VAV3: variants seen among roughly 807,000 people sequenced by gnomAD.
VAV3 encodes the protein guanine nucleotide exchange factor VAV3.
A neutral mutation model predicts 131.2 loss-of-function variants in VAV3; 94 were observed. That is an observed-to-expected ratio of 0.72 (90% confidence interval 0.61 to 0.85). The LOEUF (loss-of-function observed/expected upper bound fraction) is 0.85. Among genes scored for constraint, VAV3 ranks in the 40% least tolerant of loss-of-function variants. The pLI is 0.00. For synonymous variants in VAV3, 349 were observed against 342.0 expected (o/e 1.02, Z -0.22); for missense variants, 939 against 1,002.7 (o/e 0.94, Z 0.86).
chr1:107,770,758 T>C (rs749144413), intron 5 of VAV3, 30 bp from the exon 6 acceptor site: 2 of 1,548,206 alleles, frequency 1.3e-6, no homozygotes, highest in South Asian at 1.2e-5. Flanking sequence ...AATAAAATGA[T>C]TTAATAAAAT....
At chr1:107,575,067 C>CT in intron 25 of VAV3, among the ~76,000 whole-genome samples, 1 of 150,488 alleles carries the variant, frequency 6.6e-6, no homozygotes, top group East Asian at 2.0e-4. Context: ...TAACTTTCTC[C>CT]CTGGCCCTGC....
intron 1 of VAV3, among the ~76,000 whole-genome samples, chr1:107,936,072 A>C (rs1673698365): frequency 6.6e-6 from 1 of 152,236 alleles, no homozygotes; most frequent in African/African-American, 2.4e-5. Flanking sequence ...ACATTATTAC[A>C]GTTCCTAGAT....
intron 2 of VAV3, among the ~76,000 whole-genome samples, chr1:107,840,737 G>A (rs1668665554): frequency 6.6e-6 from 1 of 152,080 alleles, no homozygotes; most frequent in South Asian, 2.1e-4. Flanking sequence ...TGATACAAAG[G>A]AAAAGAAGAG....
chr1:107,876,221 G>A (rs1339459740), intron 1 of VAV3, among the ~76,000 whole-genome samples: 1 of 152,084 alleles, frequency 6.6e-6, no homozygotes, highest in African/African-American at 2.4e-5. Flanking sequence ...TTAGACCAAC[G>A]GATTGGTCAA....
intron 19 of VAV3, among the ~76,000 whole-genome samples, chr1:107,646,738 T>C (rs925257484): frequency 6.6e-6 from 1 of 152,018 alleles, no homozygotes; most frequent in African/African-American, 2.4e-5. Context: ...GTCAAACTTA[T>C]GCAGGAGGAA....
chr1:107,927,186 C>T (rs1285587875), intron 1 of VAV3, among the ~76,000 whole-genome samples: 2 of 152,014 alleles, frequency 1.3e-5, no homozygotes, highest in South Asian at 2.1e-4. Context: ...TCTAGACACA[C>T]CCTGGGCCAC....
chr1:107,808,053 A>C (rs2102322358), intron 2 of VAV3, among the ~76,000 whole-genome samples: 1 of 152,328 alleles, frequency 6.6e-6, no homozygotes, highest in Admixed American at 6.5e-5. Context: ...TTGGAATCCA[A>C]ATTCTTGCAT....
At chr1:107,878,715 C>T (rs976741299) in intron 1 of VAV3, among the ~76,000 whole-genome samples, 13 of 152,116 alleles carry the variant, frequency 8.5e-5, no homozygotes, top group African/African-American at 3.1e-4. Flanking sequence ...TAAACTCAAT[C>T]ATTTAGTTAA....
chr1:107,964,566 G>T, intron 1 of VAV3, 100 bp downstream of exon 1: 1 of 1,339,384 alleles, frequency 7.5e-7, no homozygotes, highest in Non-Finnish European at 1.0e-6. Context: ...AGCAGGGCAA[G>T]CTCAGCGCAC....
chr1:107,784,339 G>C (rs545551823), intron 2 of VAV3, among the ~76,000 whole-genome samples: 70 of 152,002 alleles, frequency 4.6e-4, no homozygotes, highest in Non-Finnish European at 8.8e-4. Context: ...ATTCATTTTA[G>C]TGCTGTGTAA....
intron 1 of VAV3, among the ~76,000 whole-genome samples, chr1:107,892,130 A>G (rs146354562): frequency 0.012 from 1,815 of 152,262 alleles, 37 homozygotes; most frequent in African/African-American, 0.041. Context: ...TGTGATTAAT[A>G]TGTCATAATG....
intron 15 of VAV3, among the ~76,000 whole-genome samples, chr1:107,736,587 G>C (rs1193364396): frequency 6.6e-6 from 1 of 152,146 alleles, no homozygotes; most frequent in Non-Finnish European, 1.5e-5. Flanking sequence ...CAAATCATGA[G>C]TGAACTCCCA....
At chr1:107,575,189 A>G (rs1192292085) in intron 25 of VAV3, among the ~76,000 whole-genome samples, 1 of 152,184 alleles carries the variant, frequency 6.6e-6, no homozygotes, top group Non-Finnish European at 1.5e-5. Flanking sequence ...TTGGGGTTAT[A>G]AAGTGTTTTC....
chr1:107,805,218 G>A (rs1269846721), intron 2 of VAV3, among the ~76,000 whole-genome samples: 14 of 152,098 alleles, frequency 9.2e-5, no homozygotes, highest in Admixed American at 3.9e-4. Context: ...GTTTTGAAAA[G>A]TTGTCTACTG....
chr1:107,714,850 T>G (rs1660998909), intron 15 of VAV3, among the ~76,000 whole-genome samples: 1 of 152,192 alleles, frequency 6.6e-6, no homozygotes, highest in Non-Finnish European at 1.5e-5. Flanking sequence ...AGATCATGCT[T>G]AGCTCTGAAA....
intron 15 of VAV3, among the ~76,000 whole-genome samples, chr1:107,718,635 A>C (rs1248193200): frequency 6.6e-6 from 1 of 152,222 alleles, no homozygotes; most frequent in Non-Finnish European, 1.5e-5. Context: ...ATACTGCCCA[A>C]GGTAATTTAT....
intron 1 of VAV3, among the ~76,000 whole-genome samples, chr1:107,930,314 C>T (rs76312644): frequency 0.034 from 5,123 of 152,072 alleles, 119 homozygotes; most frequent in South Asian, 0.13. Context: ...CCTATGTACC[C>T]ACAAAAATTA....
rs1289999712 is a variant in VAV3 at position 107,629,912 on chromosome 1, A to C, written c.1915-12280T>G. 3.3e-5 allele frequency among the ~76,000 whole-genome samples: 5 copies of C among 152,318 alleles called. No homozygotes were observed. In the East Asian group the frequency reaches 9.6e-4, roughly 29 times the overall value. ...TGGAAAACATGACAGTCTACTACAA[A>C]ATCTGACTTCCCACACTAATGAGTG... On this transcript the variant is annotated intron_variant, in intron 20 of 26. Transcript: ENST00000370056.
At position 107,590,668 on chromosome 1, in the gene VAV3, T is replaced by C. The variant is rs374967904; in HGVS notation, c.2350+5544A>G. Among the ~76,000 whole-genome samples the C allele has an allele frequency of 2.3e-4, 35 of 152,310 alleles. No individual in the cohort carries two copies. In the South Asian group the frequency reaches 7.2e-3, roughly 32 times the overall value. The stretch of plus-strand genomic sequence containing the variant: ...GTTCTATCTCTTCTGTTTCCTGGAT[T>C]GTTAATGGTTTTATCACTTGCCAGT... On this transcript the variant is annotated intron_variant, in intron 25 of 26. Coordinates refer to ENST00000370056, the MANE Select transcript of VAV3 (RefSeq NM_006113.5).
Sources: allele counts gnomAD v4.1 joint callset (sites outside exome capture counted in the v4.1 genomes callset), GRCh38; gene constraint gnomAD v4.1.1; transcripts MANE v1.5; gene names NCBI Gene and HGNC (gene_info 2026-07-23, HGNC 2026-07-21).